HELB: variants seen among roughly 807,000 people sequenced by gnomAD.
HELB encodes the protein DNA helicase B.
In HELB, 96 loss-of-function variants were observed where a neutral mutation model predicts 101.7. That is an observed-to-expected ratio of 0.94 (90% CI 0.80 to 1.12). The LOEUF is 1.12. Among genes scored for constraint, HELB ranks in the 50% most tolerant of loss-of-function variants. HELB has a pLI of 0.00. For synonymous variants in HELB, 437 were observed against 459.7 expected (o/e 0.95, Z 0.63); for missense variants, 1,210 against 1,291.9 (o/e 0.94, Z 0.97).
At chr12:66,324,863 C>A (rs1201895281) in intron 10 of HELB, 120 bp from the exon 11 acceptor site, 17 of 1,253,824 alleles carry the variant, frequency 1.4e-5, no homozygotes, top group Non-Finnish European at 1.8e-5. Flanking sequence ...TTTTGAAATT[C>A]TTAATGGTAA....
In HELB at chr12:66,331,425, C is replaced by A. The variant is rs532858164; in HGVS notation, c.2942C>A (p.Pro981Gln). ...SSGDSGGPSTPSASPLPVVTD... is the reference protein window; with the variant it reads ...SSGDSGGPSTQSASPLPVVTD... ...GGAGACAGTGGAGGACCCAGCACACCGTCAGCATCTCCACTCCCTGTAGTC... is the reference window on the plus strand; with the variant it reads ...GGAGACAGTGGAGGACCCAGCACACAGTCAGCATCTCCACTCCCTGTAGTC... The change falls in exon 12 of 13, where the codon CCG becomes CAG. Residue 981 changes from proline (P) to glutamine (Q), a missense_variant. By Grantham distance (76) the Pro-to-Gln change is moderately conservative. Transcript: ENST00000247815. 6 of 1,614,190 alleles carry A rather than the reference C, an allele frequency of 3.7e-6. No individual in the cohort carries two copies. Among genetic ancestry groups the A allele is most frequent in the Non-Finnish European group, 4.2e-6 (5 of 1,180,028 alleles).
chr12:66,313,877 C>G (rs1358950975), intron 4 of HELB, 109 bp from the exon 5 acceptor site: 1 of 884,622 alleles, frequency 1.1e-6, no homozygotes. Context: ...TCTTTACTTC[C>G]CACCCACCCC....
At chr12:66,311,158 A>G (rs1329068752) in intron 4 of HELB, among the ~76,000 whole-genome samples, 2 of 28,720 alleles carry the variant, frequency 7.0e-5, no homozygotes, top group Non-Finnish European at 2.2e-4. Flanking sequence ...AGTCTTATGG[A>G]AAAAAAAAAA....
At chr12:66,333,680 A>G (rs2053834173) in intron 12 of HELB, among the ~76,000 whole-genome samples, 1 of 152,104 alleles carries the variant, frequency 6.6e-6, no homozygotes, top group Non-Finnish European at 1.5e-5. Flanking sequence ...GCAAAACTCT[A>G]TCTCAAAAAC....
intron 5 of HELB, among the ~76,000 whole-genome samples, chr12:66,314,560 A>T (rs139177667): frequency 3.3e-5 from 5 of 152,300 alleles, no homozygotes; most frequent in Non-Finnish European, 5.9e-5. Flanking sequence ...CAGCCTCTTA[A>T]GTCCTTCCAA....
chr12:66,324,294 C>G, intron 10 of HELB, 83 bp downstream of exon 10: 1 of 956,688 alleles, frequency 1.0e-6, no homozygotes, highest in East Asian at 2.6e-5. Context: ...CATTCAGAAT[C>G]TAATGATATC....
chr12:66,338,334 A>G (rs2053888897), downstream of HELB: 1 of 339,564 alleles, frequency 2.9e-6, no homozygotes, highest in Non-Finnish European at 5.3e-6. Flanking sequence ...ATATACATAT[A>G]TATTTTTATA....
chr12:66,305,872 T>A (rs2053469408), intron 2 of HELB, among the ~76,000 whole-genome samples: 1 of 152,202 alleles, frequency 6.6e-6, no homozygotes, highest in Non-Finnish European at 1.5e-5. Context: ...TTTAATATGA[T>A]TTGTTATCTG....
At chr12:66,332,421 G>C (rs1592648308) in intron 12 of HELB, among the ~76,000 whole-genome samples, 1 of 152,280 alleles carries the variant, frequency 6.6e-6, no homozygotes, top group East Asian at 1.9e-4. Context: ...GAAAATTCCA[G>C]AAATAAACAA....
chr12:66,302,597 G>C lies in HELB; in HGVS notation c.-7G>C, dbSNP rs757368181. 5 of 1,611,544 alleles carry C rather than the reference G, an allele frequency of 3.1e-6. No homozygotes were observed. Among genetic ancestry groups the C allele is most frequent in the African/African-American group, 2.7e-5 (2 of 75,008 alleles). ...CCCGAGTTGTTTGGGTTGAGTTCAG[G>C]AGAAGCATGGCCAGGTCGAGTCCGT... On this transcript the variant is annotated 5_prime_UTR_variant, in exon 1 of 13. Transcript: ENST00000247815.
At position 66,323,985 on chromosome 12, in the gene HELB, A is replaced by G. The variant is rs759227736; in HGVS notation, c.2300A>G (p.Asp767Gly). Residue 767 changes from aspartate (D) to glycine (G), a missense_variant and splice_region_variant, in exon 10 of 13, where the codon GAC becomes GGC. Asp to Gly is a moderately conservative substitution (Grantham distance 94). Coordinates refer to ENST00000247815, the MANE Select transcript of HELB (RefSeq NM_001370285.1). ...TATATTATCATTTTCTATCCCAGAG[A>G]CCATCAGAGTAGACTTGTTTTTGGA... ...CKHYTGHLTKDHQSRLVFGIG... is the reference protein window; with the variant it reads ...CKHYTGHLTKGHQSRLVFGIG... 12 of 1,598,432 alleles carry G rather than the reference A, an allele frequency of 7.5e-6. 1 individual carries two copies. Among genetic ancestry groups the G allele is most frequent in the Admixed American group, 1.7e-5 (1 of 59,960 alleles).
At chr12:66,327,919 A>C (rs1009391544) in intron 11 of HELB, among the ~76,000 whole-genome samples, 3 of 152,234 alleles carry the variant, frequency 2.0e-5, no homozygotes, top group Non-Finnish European at 4.4e-5. Flanking sequence ...CTCATTGAGA[A>C]GATAACATTT....
intron 1 of HELB, 114 bp downstream of exon 1, chr12:66,302,904 T>C: frequency 1.2e-6 from 1 of 840,408 alleles, no homozygotes; most frequent in Non-Finnish European, 1.8e-6. Flanking sequence ...AGCTTATCAG[T>C]GGTCTAGCTG....
chr12:66,302,788 G>C lies in HELB; in HGVS notation c.185G>C (p.Arg62Pro), dbSNP rs2053421079. The C allele has an allele frequency of 1.2e-6, 2 of 1,606,276 alleles. No individual in the cohort carries two copies. Among genetic ancestry groups the C allele is most frequent in the Non-Finnish European group, 1.7e-6 (2 of 1,175,230 alleles). The change falls in exon 1 of 13, where the codon CGC becomes CCC. Residue 62 changes from arginine to proline, a missense_variant and splice_region_variant. By Grantham distance (103) the Arg-to-Pro change is moderately radical. This residue lies in a region of HELB where 470 missense variants were observed against 563.1 expected (regional missense o/e 0.83). Transcript: ENST00000247815. ...VKAGSLPGCL[R>P]VSICDENTQE... is the part of the protein sequence containing the mutation. ...GCTGGCAGCCTCCCCGGGTGCCTCC[G>C]CGGTGAGGAAGGCGTCTGCCCGGGG... is the stretch of plus-strand genomic sequence containing the variant.
chr12:66,337,959 A>G (rs1384782782), intron 12 of HELB, 42 bp from the exon 13 acceptor site: 2 of 1,206,582 alleles, frequency 1.7e-6, no homozygotes, highest in Non-Finnish European at 2.4e-6. Flanking sequence ...GACTAACTAC[A>G]TTTTTACAAA....
At chr12:66,331,753 T>G (rs2053812226) in intron 12 of HELB, 108 bp downstream of exon 12, 3 of 1,068,320 alleles carry the variant, frequency 2.8e-6, no homozygotes, top group Non-Finnish European at 4.0e-6. Context: ...GCTGTTGGAC[T>G]TAAAAACAAT....
intron 12 of HELB, 74 bp from the exon 13 acceptor site, chr12:66,337,927 G>A: frequency 2.4e-6 from 2 of 829,292 alleles, no homozygotes; most frequent in Non-Finnish European, 3.9e-6. Flanking sequence ...CTGAAGCAGA[G>A]GGAATACAAG....
At chr12:66,311,088 T>A (rs59260160) in intron 4 of HELB, among the ~76,000 whole-genome samples, 4,440 of 152,218 alleles carry the variant, frequency 0.029, 238 homozygotes, top group African/African-American at 0.1. Context: ...TGTTACCAGT[T>A]TGCATGAGAA....
At chr12:66,308,953 A>T (rs533059623) in intron 3 of HELB, among the ~76,000 whole-genome samples, 6 of 152,340 alleles carry the variant, frequency 3.9e-5, no homozygotes, top group African/African-American at 1.4e-4. Context: ...TGGAGCCGAT[A>T]GATGACGTGC....
Sources: gnomAD v4.1 joint callset for allele counts (sites outside exome capture counted in the v4.1 genomes callset) on GRCh38, gnomAD v4.1.1 for gene constraint, gnomAD v4.1.1 regional missense constraint, MANE v1.5 for transcripts, NCBI Gene and HGNC (gene_info 2026-07-23, HGNC 2026-07-21) for gene names.